Variants in WWC2 observed in about 807,000 individuals in gnomAD.
WWC2 encodes the protein protein WWC2.
A neutral mutation model predicts 138.5 loss-of-function variants in WWC2; 101 were observed. That is an observed-to-expected ratio of 0.73 (90% CI 0.62 to 0.86). The LOEUF (loss-of-function observed/expected upper bound fraction) is 0.86, where lower values mean the gene tolerates loss of function less well. Among genes scored for constraint, WWC2 ranks in the 40% least tolerant of loss-of-function variants. The pLI, the probability that WWC2 is intolerant of heterozygous loss-of-function variation, is 0.00. For synonymous variants in WWC2, 558 were observed against 538.4 expected, an observed-to-expected ratio of 1.04 and a Z score of -0.50; for missense variants, 1,420 against 1,419.4, an observed-to-expected ratio of 1.00 and a Z score of -0.01.
chr4:183,102,103 A>G (rs906722852), intron 1 of WWC2, among the ~76,000 whole-genome samples: 2 of 152,206 alleles, frequency 1.3e-5, no homozygotes, highest in Non-Finnish European at 2.9e-5. Context: ...GAGGTGAATG[A>G]CGTCATTCAA....
At position 183,315,944 on chromosome 4, in the gene WWC2, A is replaced by G; in HGVS notation, c.*215A>G. On this transcript the variant is annotated 3_prime_UTR_variant, in exon 23 of 23. Coordinates refer to ENST00000403733, the MANE Select transcript of WWC2 (RefSeq NM_024949.6). ...ATGCTTAAAAAAGAAAAAATCATAT[A>G]AGAAAGATGGGATAACCTGGTACAC... 2.2e-6 allele frequency: 1 copy of G among 457,892 alleles called. No homozygotes were observed. The highest frequency in any genetic ancestry group is 3.9e-5 in the East Asian group (1 of 25,596). The allele number at this position is 457,892 out of a possible 1,614,324, so 28.4% of individuals were successfully genotyped here. A position where few individuals can be genotyped will look rare whatever the true frequency, so the allele number is the denominator to read the frequency against.
intron 1 of WWC2, among the ~76,000 whole-genome samples, chr4:183,182,418 A>G (rs1462057938): frequency 6.6e-6 from 1 of 152,216 alleles, no homozygotes; most frequent in Non-Finnish European, 1.5e-5. Context: ...TTTGGACAAT[A>G]ATCCTTTTTA....
intron 4 of WWC2, among the ~76,000 whole-genome samples, chr4:183,216,757 A>C (rs1203364257): frequency 6.6e-6 from 1 of 152,194 alleles, no homozygotes; most frequent in Admixed American, 6.5e-5. Flanking sequence ...TGGCTAGAAT[A>C]TATAGGAAAT....
intron 1 of WWC2, among the ~76,000 whole-genome samples, chr4:183,099,849 C>T (rs576431882): frequency 6.6e-6 from 1 of 152,228 alleles, no homozygotes; most frequent in African/African-American, 2.4e-5. Flanking sequence ...CGAGGCAAGG[C>T]TGGAGTCGCT....
intron 21 of WWC2, among the ~76,000 whole-genome samples, chr4:183,295,805 C>G (rs1000514384): frequency 6.6e-6 from 1 of 152,042 alleles, no homozygotes; most frequent in Admixed American, 6.5e-5. Context: ...CCTGACACCC[C>G]TTGTTTGTTT....
At chr4:183,220,763 G>A (rs1179353988) in intron 4 of WWC2, among the ~76,000 whole-genome samples, 1 of 151,936 alleles carries the variant, frequency 6.6e-6, no homozygotes, top group East Asian at 1.9e-4. Flanking sequence ...GAACCCGGGA[G>A]GCGGAGCTTG....
At position 183,289,415 on chromosome 4, in the gene WWC2, G is replaced by T; in HGVS notation, c.3164G>T (p.Arg1055Ile). Residue 1055 changes from arginine (R) to isoleucine (I), a missense_variant, in exon 21 of 23, where the codon AGA (arginine) becomes ATA (isoleucine). Transcript: ENST00000403733. ...CAGACGGTTTGCCAGTCAGTCCTTA[G>T]AAGAACAACACAGGAATGCCCAGTG... ...VKRTVCQSVL[R>I]RTTQECPVRT... The T allele has an allele frequency of 2.5e-6, 4 of 1,611,932 alleles. No individual in the cohort carries two copies. The highest frequency in any genetic ancestry group is 2.5e-6 in the Non-Finnish European group (3 of 1,178,994).
chr4:183,286,292 A>G (rs1738249443), intron 20 of WWC2, among the ~76,000 whole-genome samples: 1 of 152,142 alleles, frequency 6.6e-6, no homozygotes. Flanking sequence ...AAGGCTGGAA[A>G]TGCGGTTTCA....
intron 4 of WWC2, among the ~76,000 whole-genome samples, chr4:183,236,661 C>T (rs1435466989): frequency 6.6e-6 from 1 of 152,202 alleles, no homozygotes; most frequent in African/African-American, 2.4e-5. Flanking sequence ...AGTATGAAGT[C>T]CTTCTTAGGC....
intron 1 of WWC2, among the ~76,000 whole-genome samples, chr4:183,113,150 T>C (rs961551123): frequency 2.0e-5 from 3 of 151,836 alleles, no homozygotes; most frequent in Non-Finnish European, 2.9e-5. Context: ...TGCATACTTG[T>C]AATCTCAGCT....
At chr4:183,186,140 G>C (rs1051382536) in intron 1 of WWC2, among the ~76,000 whole-genome samples, 10 of 152,114 alleles carry the variant, frequency 6.6e-5, no homozygotes, top group African/African-American at 2.4e-4. Context: ...GTAGAGACAG[G>C]GTTTCACCAT....
chr4:183,245,156 G>A (rs1207851412), intron 5 of WWC2, among the ~76,000 whole-genome samples: 1 of 150,378 alleles, frequency 6.6e-6, no homozygotes, highest in Non-Finnish European at 1.5e-5. Flanking sequence ...GAACCCAGGA[G>A]GCGTAGTTTG....
chr4:183,208,194 G>A (rs1359615198), intron 3 of WWC2, 38 bp downstream of exon 3: 1 of 1,602,984 alleles, frequency 6.2e-7, no homozygotes, highest in Non-Finnish European at 8.5e-7. Context: ...TGGAAGTGGA[G>A]ACTGAATTGT....
At chr4:183,264,349 TC>T (rs1737426166) in intron 11 of WWC2, among the ~76,000 whole-genome samples, 2 of 152,304 alleles carry the variant, frequency 1.3e-5, no homozygotes, top group South Asian at 4.1e-4. Flanking sequence ...AAATGAATGT[TC>T]CTTGCTCACT....
At chr4:183,170,805 G>A (rs1734254755) in intron 1 of WWC2, among the ~76,000 whole-genome samples, 1 of 151,008 alleles carries the variant, frequency 6.6e-6, no homozygotes, top group Admixed American at 6.6e-5. Context: ...TGATCCTTTT[G>A]CCTCAGCCTC....
intron 2 of WWC2, among the ~76,000 whole-genome samples, chr4:183,201,429 A>G (rs181073482): frequency 2.0e-5 from 3 of 152,284 alleles, no homozygotes; most frequent in Non-Finnish European, 2.9e-5. Context: ...CAGTGGTTGC[A>G]CTGTGCCCGT....
intron 4 of WWC2, among the ~76,000 whole-genome samples, chr4:183,221,386 T>C (rs1735931564): frequency 6.6e-6 from 1 of 152,168 alleles, no homozygotes; most frequent in African/African-American, 2.4e-5. Flanking sequence ...AGCAATGCTG[T>C]CGAAGATGTA....
At chr4:183,201,487 A>G (rs1237150912) in intron 2 of WWC2, among the ~76,000 whole-genome samples, 2 of 152,130 alleles carry the variant, frequency 1.3e-5, no homozygotes, top group Admixed American at 6.5e-5. Flanking sequence ...CTTGGCCTCA[A>G]AAGGACCCAG....
At chr4:183,210,728 C>T (rs914411446) in intron 4 of WWC2, among the ~76,000 whole-genome samples, 1 of 152,288 alleles carries the variant, frequency 6.6e-6, no homozygotes, top group East Asian at 1.9e-4. Flanking sequence ...ATGGGATAGC[C>T]TATTGCTTCC....
Sources: gnomAD v4.1 joint callset for allele counts (sites outside exome capture counted in the v4.1 genomes callset) on GRCh38, gnomAD v4.1.1 for gene constraint, MANE v1.5 for transcripts, NCBI Gene and HGNC (gene_info 2026-07-23, HGNC 2026-07-21) for gene names.